Variants in HEATR4 observed in about 807,000 individuals in gnomAD.
The protein encoded by HEATR4 is HEAT repeat-containing protein 4.
A neutral mutation model predicts 108.8 loss-of-function variants in HEATR4; 95 were observed. That is an observed-to-expected ratio of 0.87 (90% CI 0.74 to 1.04). The LOEUF (loss-of-function observed/expected upper bound fraction) is 1.04. HEATR4 is among the 50% of genes least tolerant of loss of function. HEATR4 has a pLI of 0.00. For synonymous variants in HEATR4, 443 were observed against 459.4 expected (o/e 0.96, Z 0.46); for missense variants, 1,152 against 1,253.8 (o/e 0.92, Z 1.23).
At chr14:73,580,207 G>A in the HEATR4 span, among the ~76,000 whole-genome samples, 2 of 152,108 alleles carry the variant, frequency 1.3e-5, no homozygotes, top group African/African-American at 4.8e-5. Flanking sequence ...GCTCATTGCA[G>A]CCTCAAACTC....
At chr14:73,630,214 A>G in the HEATR4 span, among the ~76,000 whole-genome samples, 1 of 152,032 alleles carries the variant, frequency 6.6e-6, no homozygotes, top group African/African-American at 2.4e-5. Flanking sequence ...TCCTGCACAA[A>G]TAACTGATAA....
At chr14:73,520,730 G>T (rs1887921519) in intron 4 of HEATR4, 122 bp downstream of exon 4, 2 of 897,610 alleles carry the variant, frequency 2.2e-6, no homozygotes, top group Non-Finnish European at 3.5e-6. Flanking sequence ...TCATGAACAT[G>T]AAAACCTGGG....
chr14:73,506,594 T>C, intron 9 of HEATR4, 23 bp from the exon 10 acceptor site: 3 of 1,543,546 alleles, frequency 1.9e-6, no homozygotes, highest in Non-Finnish European at 2.7e-6. Flanking sequence ...AAGACTTGTA[T>C]GGATATTCAC....
At chr14:73,570,990 T>TAA in the HEATR4 span, among the ~76,000 whole-genome samples, 78 of 147,448 alleles carry the variant, frequency 5.3e-4, 1 homozygote, top group South Asian at 4.1e-3. Context: ...TTTTTTTTTT[T>TAA]AAATAAGAAT....
At chr14:73,604,968 A>G in the HEATR4 span, among the ~76,000 whole-genome samples, 1 of 152,216 alleles carries the variant, frequency 6.6e-6, no homozygotes, top group African/African-American at 2.4e-5. Context: ...AGGGTTTCCC[A>G]AAACAGGGTC....
Position 73,493,060 on chromosome 14 carries a change from A to G in HEATR4, c.2844+6T>C, listed in dbSNP as rs113528852. The stretch of plus-strand genomic sequence containing the variant: ...CCTTGATAAGCATCAGTGTGCTCAC[A>G]TTTACCTTTATCACTGCTTCAGTGT... On this transcript the variant is annotated splice_donor_region_variant and intron_variant, in intron 17 of 17. Coordinates refer to ENST00000553558, the MANE Select transcript of HEATR4 (RefSeq NM_001220484.1). 1.6e-5 allele frequency: 25 copies of G among 1,604,102 alleles called. No homozygotes were observed. The highest frequency in any genetic ancestry group is 1.5e-4 in the African/African-American group (11 of 71,270).
the HEATR4 span, among the ~76,000 whole-genome samples, chr14:73,578,468 G>T: frequency 6.6e-6 from 1 of 151,950 alleles, no homozygotes; most frequent in African/African-American, 2.4e-5. Flanking sequence ...GGCTCAAGCA[G>T]TCTGTCCATC....
chr14:73,492,176 C>G lies in HEATR4; in HGVS notation c.2844+890G>C. On this transcript the variant is annotated intron_variant, in intron 17 of 17. Coordinates refer to ENST00000553558, the MANE Select transcript of HEATR4 (RefSeq NM_001220484.1). This position sits in a 1 kb window ranked among gnomAD's most constrained non-coding sequence, Gnocchi z 4.9. ...TCAGGACGACCTCGGTGAGCCGGTG[C>G]TGCAGACCGTGCTGGAACCTGGAGA... 1 of 1,614,004 alleles carries G rather than the reference C, an allele frequency of 6.2e-7. No individual in the cohort carries two copies. Among genetic ancestry groups the G allele is most frequent in the Non-Finnish European group, 8.5e-7 (1 of 1,179,892 alleles).
chr14:73,595,598 G>C, the HEATR4 span: 1 of 1,564,332 alleles, frequency 6.4e-7, no homozygotes, highest in South Asian at 1.2e-5. Flanking sequence ...GCAAATTCTA[G>C]CCTTCTTCTG....
At chr14:73,573,266 G>C in the HEATR4 span, 3 of 1,406,676 alleles carry the variant, frequency 2.1e-6, no homozygotes, top group Non-Finnish European at 3.0e-6. Flanking sequence ...TTCATTTCTC[G>C]TGGGTAGATA....
intron 12 of HEATR4, among the ~76,000 whole-genome samples, chr14:73,499,617 T>A (rs899465521): frequency 1.3e-5 from 2 of 152,196 alleles, no homozygotes; most frequent in Non-Finnish European, 2.9e-5. Context: ...TACCAACCTA[T>A]ATGCATAGTG....
chr14:73,491,034 C>A, intron 17 of HEATR4: 1 of 1,560,766 alleles, frequency 6.4e-7, no homozygotes, highest in Non-Finnish European at 8.7e-7. Flanking sequence ...GGGCTCCAGG[C>A]CAGTGCAGGG....
At chr14:73,480,114 A>G (rs1194053044) in intron 17 of HEATR4, among the ~76,000 whole-genome samples, 1 of 152,220 alleles carries the variant, frequency 6.6e-6, no homozygotes, top group Non-Finnish European at 1.5e-5. Context: ...TAATAAAACC[A>G]ATGTATTATT....
the HEATR4 span, among the ~76,000 whole-genome samples, chr14:73,597,287 T>C: frequency 2.0e-5 from 3 of 151,698 alleles, no homozygotes; most frequent in Admixed American, 6.6e-5. Context: ...GGTTTCGCCA[T>C]GTTAGCCAGG....
chr14:73,614,954 G>A, the HEATR4 span, among the ~76,000 whole-genome samples: 105 of 150,996 alleles, frequency 7.0e-4, 1 homozygote, highest in South Asian at 5.5e-3. Context: ...AAAGTTAGCC[G>A]GGCATGGTGG....
At position 73,523,229 on chromosome 14, in the gene HEATR4, T is replaced by G. The variant is rs1888086224; in HGVS notation, c.-72-5A>C. 5.7e-6 allele frequency: 8 copies of G among 1,402,054 alleles called. No homozygotes were observed. In the South Asian group the frequency reaches 1.1e-4, roughly 20 times the overall value. The allele number at this position is 1,402,054 out of a possible 1,614,324, so 86.9% of individuals were successfully genotyped here. A position where few individuals can be genotyped will look rare whatever the true frequency, so the allele number is the denominator to read the frequency against. On this transcript the variant is annotated splice_polypyrimidine_tract_variant and splice_region_variant and intron_variant, in intron 2 of 17. Transcript: ENST00000553558. ...CCTGGAGATGAGACCTGGCACCTGTTAAGGGAATGGGAGGAACTGATGAGA... is the reference window on the plus strand; with the variant it reads ...CCTGGAGATGAGACCTGGCACCTGTGAAGGGAATGGGAGGAACTGATGAGA...
Position 73,557,017 on chromosome 14 carries a change from AC to A in HEATR4, c.-152+1733del, listed in dbSNP as rs762807497. ...TACGTGACCAGCATTATGAGGCAGC[AC>A]CCCACTCCCAACAAATAGCCCTCTA... On this transcript the variant is annotated intron_variant, in intron 1 of 17. Coordinates refer to ENST00000553558, the MANE Select transcript of HEATR4 (RefSeq NM_001220484.1). 1.6e-4 allele frequency among the ~76,000 whole-genome samples: 18 copies of A among 113,532 alleles called. 6 individuals are homozygous for A. The highest frequency in any genetic ancestry group is 2.8e-4 in the South Asian group (1 of 3,558). The allele number at this position is 113,532 out of a possible 152,430, so 74.5% of individuals were successfully genotyped here.
chr14:73,612,462 G>C, the HEATR4 span: 2 of 714,894 alleles, frequency 2.8e-6, no homozygotes, highest in African/African-American at 3.7e-5. Flanking sequence ...CAACCAATGG[G>C]AGTAGTGTTA....
the HEATR4 span, among the ~76,000 whole-genome samples, chr14:73,603,345 TTTTTTTG>T: frequency 0.021 from 3,158 of 152,232 alleles, 115 homozygotes; most frequent in African/African-American, 0.072. Flanking sequence ...AATAATCTGT[TTTTTTTG>T]TTTTTTGTTT....
Sources: gnomAD v4.1 joint callset for allele counts (sites outside exome capture counted in the v4.1 genomes callset) on GRCh38, gnomAD v4.1.1 for gene constraint, Gnocchi (gnomAD v3.1) non-coding constraint, MANE v1.5 for transcripts, NCBI Gene and HGNC (gene_info 2026-07-23, HGNC 2026-07-21) for gene names.